RYR3: variants seen among roughly 807,000 people sequenced by gnomAD.
RYR3 encodes the protein ryanodine receptor 3.
A neutral mutation model predicts 584.3 loss-of-function variants in RYR3; 207 were observed. The observed-to-expected ratio is 0.35, with a 90% CI of 0.32 to 0.40. The LOEUF (loss-of-function observed/expected upper bound fraction) is 0.40. Ranked by LOEUF, RYR3 falls within the 10% of genes least tolerant of loss-of-function variation. RYR3 has a pLI of 1.00. For synonymous variants in RYR3, 2,416 were observed against 2,248.5 expected, an observed-to-expected ratio of 1.07 and a Z score of -2.11; for missense variants, 5,616 against 6,089.2, an observed-to-expected ratio of 0.92 and a Z score of 2.59.
At chr15:33,626,048 G>A (rs1338529834) in intron 20 of RYR3, among the ~76,000 whole-genome samples, 1 of 152,204 alleles carries the variant, frequency 6.6e-6, no homozygotes. Flanking sequence ...AGGGCTGCTG[G>A]TGCCCAAGCA....
At chr15:33,435,648 T>A (rs1567231295) in intron 1 of RYR3, among the ~76,000 whole-genome samples, 1 of 152,210 alleles carries the variant, frequency 6.6e-6, no homozygotes, top group Non-Finnish European at 1.5e-5. Flanking sequence ...ACTTCAAGAA[T>A]GAAGCCACCG....
At chr15:33,657,867 T>C (rs1233564573) in intron 32 of RYR3, among the ~76,000 whole-genome samples, 1 of 152,220 alleles carries the variant, frequency 6.6e-6, no homozygotes, top group Non-Finnish European at 1.5e-5. Context: ...CAATCCAGCC[T>C]ATTTCATCAT....
At chr15:33,751,417 G>T (rs1340517597) in intron 57 of RYR3, among the ~76,000 whole-genome samples, 3 of 151,786 alleles carry the variant, frequency 2.0e-5, no homozygotes, top group Non-Finnish European at 4.4e-5. Flanking sequence ...ACTTTTTAAT[G>T]ATCGCCATTC....
rs934826045 is a variant in RYR3, at chr15:33,537,993, C to CT, written c.434-1348dup. On this transcript the variant is annotated intron_variant, in intron 5 of 103. Coordinates refer to ENST00000634891, the MANE Select transcript of RYR3 (RefSeq NM_001036.6). ...CCACCTTTTTCTTTTCTTTTCTTTTCTTTTTTTTTCCAGGATCAGTGAGTA... is the reference window on the plus strand; with the variant it reads ...CCACCTTTTTCTTTTCTTTTCTTTTCTTTTTTTTTTCCAGGATCAGTGAGTA... Among the ~76,000 whole-genome samples, 51 of 150,370 alleles carry CT rather than the reference C, an allele frequency of 3.4e-4. No homozygotes were observed. In the East Asian group the frequency reaches 5.5e-3, roughly 16 times the overall value.
At chr15:33,635,916 A>C (rs1278450873) in intron 26 of RYR3, 97 bp downstream of exon 26, 1 of 1,041,598 alleles carries the variant, frequency 9.6e-7, no homozygotes, top group Non-Finnish European at 1.4e-6. Context: ...TCTGGCTTCA[A>C]AGTGAGTGAC....
At chr15:33,556,220 C>T (rs2057055564) in intron 10 of RYR3, among the ~76,000 whole-genome samples, 1 of 152,176 alleles carries the variant, frequency 6.6e-6, no homozygotes, top group South Asian at 2.1e-4. Flanking sequence ...TAACACATTT[C>T]ACTCTAATTA....
At chr15:33,688,417 C>G (rs1188328475) in intron 38 of RYR3, among the ~76,000 whole-genome samples, 2 of 151,592 alleles carry the variant, frequency 1.3e-5, no homozygotes, top group East Asian at 1.9e-4. Flanking sequence ...ACTAAAAATA[C>G]AAAAAATTAG....
intron 1 of RYR3, among the ~76,000 whole-genome samples, chr15:33,434,605 G>T (rs1344436760): frequency 6.6e-6 from 1 of 151,960 alleles, no homozygotes. Context: ...CCATATGTAA[G>T]GCACAAACAA....
intron 1 of RYR3, among the ~76,000 whole-genome samples, chr15:33,446,558 G>T (rs1199837268): frequency 6.6e-6 from 1 of 152,134 alleles, no homozygotes; most frequent in East Asian, 1.9e-4. Context: ...TCACATGGTC[G>T]GCCCTCTGTG....
Position 33,662,826 on chromosome 15 carries a change from G to C in RYR3, c.5296G>C (p.Ala1766Pro), listed in dbSNP as rs980409842. The change falls in exon 35 of 104, where the codon GCA becomes CCA. Residue 1766 changes from alanine (A) to proline (P), a missense_variant. Physicochemically the swap from Ala to Pro is conservative, Grantham distance 27. Around this residue, in one of 9 missense-constraint regions of RYR3, gnomAD observed 753 missense variants for 741.0 expected, o/e 1.02. Coordinates refer to ENST00000634891, the MANE Select transcript of RYR3 (RefSeq NM_001036.6). ...GEHSAGTEEG[A>P]EKEEVTQVEE... ...GCATAGTGCGGGGACAGAGGAGGGA[G>C]CAGAAAAGGAGGAAGTGACCCAGGT... is the stretch of plus-strand genomic sequence containing the variant. The C allele has an allele frequency of 1.2e-6, 2 of 1,613,800 alleles. No individual in the cohort carries two copies. The highest frequency in any genetic ancestry group is 2.7e-5 in the African/African-American group (2 of 74,914).
chr15:33,802,379 T>C (rs185254743), intron 69 of RYR3, among the ~76,000 whole-genome samples: 118 of 152,362 alleles, frequency 7.7e-4, no homozygotes, highest in Non-Finnish European at 1.4e-3. Context: ...TACATCATGC[T>C]TGTTTTCCTC....
In RYR3 at chr15:33,589,077, C is replaced by T. The variant is rs141403600; in HGVS notation, c.1788+2961C>T. 2.1e-4 allele frequency among the ~76,000 whole-genome samples: 32 copies of T among 152,240 alleles called. No individual in the cohort carries two copies. In the East Asian group the frequency reaches 4.4e-3, roughly 21 times the overall value. Reference sequence around the variant, plus strand: ...TTGTACTAATTTACATTCCTACCAACGTGTATAAGCATTCCCTTTTCTCTG... The same window carrying T: ...TTGTACTAATTTACATTCCTACCAATGTGTATAAGCATTCCCTTTTCTCTG... On this transcript the variant is annotated intron_variant, in intron 16 of 103. Coordinates refer to ENST00000634891, the MANE Select transcript of RYR3 (RefSeq NM_001036.6).
chr15:33,485,152 T>C (rs931857671), intron 2 of RYR3, among the ~76,000 whole-genome samples: 1 of 152,186 alleles, frequency 6.6e-6, no homozygotes, highest in Admixed American at 6.5e-5. Context: ...AATATAGTCA[T>C]AGGGTAGAAT....
chr15:33,838,415 C>T lies in RYR3; in HGVS notation c.12435C>T (p.Ala4145=), dbSNP rs2078167178. Residue 4145 remains alanine (A), a synonymous_variant, in exon 89 of 104, where the codon GCC becomes GCT. Transcript: ENST00000634891. ...AGCCGGCCTCTGCATTTGCTATGGC[C>T]TGTGCCTCTGTGAAGAGGAATGTCA... ...SLEPASAFAM[A]CASVKRNVTD... 1 of 1,613,894 alleles carries T rather than the reference C, an allele frequency of 6.2e-7. No individual in the cohort carries two copies. The highest frequency in any genetic ancestry group is 1.1e-5 in the South Asian group (1 of 91,090).
intron 44 of RYR3, among the ~76,000 whole-genome samples, chr15:33,723,360 A>G (rs73379346): frequency 0.081 from 12,369 of 152,196 alleles, 1,680 homozygotes; most frequent in African/African-American, 0.28. Flanking sequence ...CTAAAAATAA[A>G]TAAATAAATA....
intron 60 of RYR3, 83 bp from the exon 61 acceptor site, chr15:33,768,575 G>T (rs2073301712): frequency 1.7e-6 from 2 of 1,182,990 alleles, no homozygotes; most frequent in Non-Finnish European, 2.5e-6. Context: ...GTTTCACAGT[G>T]TAAGGGACAT....
chr15:33,579,901 G>C, intron 12 of RYR3, 75 bp from the exon 13 acceptor site: 1 of 1,215,906 alleles, frequency 8.2e-7, no homozygotes, highest in African/African-American at 1.5e-5. Context: ...GCTGTTAGGA[G>C]TGGGACCCAG....
At chr15:33,436,428 G>A (rs550734176) in intron 1 of RYR3, among the ~76,000 whole-genome samples, 1 of 150,906 alleles carries the variant, frequency 6.6e-6, no homozygotes, top group Admixed American at 6.6e-5. Flanking sequence ...TCAACCTGTT[G>A]GTTATGTTTT....
Position 33,652,771 on chromosome 15 carries a change from C to G in RYR3, c.4196C>G (p.Ser1399Cys), listed in dbSNP as rs2062562791. The G allele has an allele frequency of 1.2e-6, 2 of 1,613,858 alleles. No individual in the cohort carries two copies. The highest frequency in any genetic ancestry group is 1.3e-5 in the African/African-American group (1 of 75,028). The change falls in exon 32 of 104, where the codon TCC becomes TGC. Residue 1399 changes from serine to cysteine, a missense_variant. Physicochemically the swap from Ser to Cys is moderately radical, Grantham distance 112 (BLOSUM62 -1). This residue lies in a region of RYR3 where 753 missense variants were observed against 741.0 expected (regional missense o/e 1.02). Transcript: ENST00000634891. ...TGGGGTGGAGACATTGTAGCCAGTT[C>G]CCAGAGATCAAATCGGAGCAACGTG... ...MVWGGDIVAS[S>C]QRSNRSNVDL...
Sources: gnomAD v4.1 joint callset for allele counts (sites outside exome capture counted in the v4.1 genomes callset) on GRCh38, gnomAD v4.1.1 for gene constraint, gnomAD v4.1.1 regional missense constraint, MANE v1.5 for transcripts, NCBI Gene and HGNC (gene_info 2026-07-23, HGNC 2026-07-21) for gene names.